Variants in CSNK1D observed in about 807,000 individuals in gnomAD.
CSNK1D encodes the protein casein kinase I isoform delta.
CSNK1D carries 16 observed loss-of-function variants against 46.6 expected under a neutral mutation model. That is an observed-to-expected ratio of 0.34 (90% CI 0.23 to 0.52). The LOEUF is 0.52. CSNK1D is among the 20% of genes least tolerant of loss of function. CSNK1D has a pLI of 0.95. For synonymous variants in CSNK1D, 276 were observed against 228.2 expected, an observed-to-expected ratio of 1.21 and a Z score of -1.89; for missense variants, 398 against 578.4, an observed-to-expected ratio of 0.69 and a Z score of 3.20.
intron 8 of CSNK1D, chr17:82,245,398 C>T (rs575478983): frequency 4.5e-6 from 1 of 220,858 alleles, no homozygotes; most frequent in Admixed American, 5.2e-5. Context: ...ACAGACGAAG[C>T]TGCGTGGACA....
intron 2 of CSNK1D, among the ~76,000 whole-genome samples, chr17:82,258,176 C>T (rs1176208654): frequency 2.1e-5 from 3 of 140,556 alleles, no homozygotes; most frequent in South Asian, 2.2e-4. Context: ...CACTGCACTC[C>T]AGCCTGGGTG....
At chr17:82,262,865 C>T (rs542231188) in intron 2 of CSNK1D, among the ~76,000 whole-genome samples, 1 of 152,236 alleles carries the variant, frequency 6.6e-6, no homozygotes, top group African/African-American at 2.4e-5. Flanking sequence ...CATTTGTTTT[C>T]TAAAATGCAG....
At chr17:82,240,268 A>C (rs1166971119), downstream of CSNK1D, among the ~76,000 whole-genome samples, 1 of 152,170 alleles carries the variant, frequency 6.6e-6, no homozygotes, top group African/African-American at 2.4e-5. Flanking sequence ...AGCTAGGCCC[A>C]TGTGTCTCGG....
chr17:82,259,488 A>G (rs768816119), intron 2 of CSNK1D, among the ~76,000 whole-genome samples: 16 of 152,242 alleles, frequency 1.1e-4, no homozygotes, highest in African/African-American at 2.9e-4. Context: ...GGAAATCTAC[A>G]TAACCACCTT....
chr17:82,272,978 C>G (rs1484202256), intron 1 of CSNK1D: 1 of 244,302 alleles, frequency 4.1e-6, no homozygotes, highest in Non-Finnish European at 7.9e-6. Context: ...GTCCGCTCCC[C>G]ACGACCCTGC....
chr17:82,241,995 T>A (rs1486474476), downstream of CSNK1D, among the ~76,000 whole-genome samples: 5 of 151,612 alleles, frequency 3.3e-5, no homozygotes, highest in Non-Finnish European at 5.9e-5. Flanking sequence ...TATCCTCCTC[T>A]TAGGCAGCGT....
rs901058084 is a variant in CSNK1D at position 82,248,774 on chromosome 17, G to A, written c.1197+101C>T. 6.5e-6 allele frequency: 10 copies of A among 1,531,762 alleles called. No homozygotes were observed. The highest frequency in any genetic ancestry group is 1.7e-4 in the Middle Eastern group (1 of 5,964). The allele number at this position is 1,531,762 out of a possible 1,614,324, so 94.9% of individuals were successfully genotyped here. A position where few individuals can be genotyped will look rare whatever the true frequency, so the allele number is the denominator to read the frequency against. On this transcript the variant is annotated intron_variant, in intron 8 of 8. Transcript: ENST00000314028. The surrounding 1 kb of genome is among the most constrained non-coding windows in gnomAD (Gnocchi z 4.1). ...GAGATTAAAAACTCTCAAAAATGGG[G>A]GGAAGAAAGGAAAGAAGAAGCCCTG...
At chr17:82,267,580 T>C (rs2147220953) in intron 1 of CSNK1D, among the ~76,000 whole-genome samples, 1 of 152,230 alleles carries the variant, frequency 6.6e-6, no homozygotes, top group East Asian at 1.9e-4. Context: ...TTCAGAGTAC[T>C]CGAGGTAACA....
intron 1 of CSNK1D, among the ~76,000 whole-genome samples, chr17:82,272,757 G>C (rs7209167): frequency 0.31 from 46,861 of 152,156 alleles, 9,166 homozygotes; most frequent in Non-Finnish European, 0.44. Context: ...CACCGGGGCA[G>C]CCTCTGAGGG....
chr17:82,261,367 A>G (rs2051335152), intron 2 of CSNK1D, among the ~76,000 whole-genome samples: 1 of 152,044 alleles, frequency 6.6e-6, no homozygotes, highest in South Asian at 2.1e-4. Context: ...TAGTCTCAAC[A>G]CTTTTCCCTC....
rs1052603460 is a variant in CSNK1D at position 82,273,446 on chromosome 17, G to C, written c.-65C>G. Reference sequence around the variant, plus strand: ...TTCCTGGGTCTGAACTCTGGGAGGCGGCGCCGCTGCTGCCGCTACTGCGGG... The same window carrying C: ...TTCCTGGGTCTGAACTCTGGGAGGCCGCGCCGCTGCTGCCGCTACTGCGGG... On this transcript the variant is annotated 5_prime_UTR_variant, in exon 1 of 9. Transcript: ENST00000314028. This position sits in a 1 kb window ranked among gnomAD's most constrained non-coding sequence, Gnocchi z 5.1. 4 of 1,584,984 alleles carry C rather than the reference G, an allele frequency of 2.5e-6. No individual in the cohort carries two copies. Among genetic ancestry groups the C allele is most frequent in the South Asian group, 2.3e-5 (2 of 88,832 alleles).
chr17:82,267,813 C>T (rs1025076647), intron 1 of CSNK1D, among the ~76,000 whole-genome samples: 3 of 152,330 alleles, frequency 2.0e-5, no homozygotes, highest in East Asian at 1.9e-4. Context: ...CGGACAGTAC[C>T]GCCACCCTCG....
intron 2 of CSNK1D, among the ~76,000 whole-genome samples, chr17:82,257,616 A>G (rs1324890912): frequency 6.6e-6 from 1 of 152,214 alleles, no homozygotes; most frequent in African/African-American, 2.4e-5. Flanking sequence ...AGCCAGTGAC[A>G]GCTGTGCCTG....
chr17:82,256,853 C>T (rs920558193), intron 2 of CSNK1D, among the ~76,000 whole-genome samples: 2 of 152,128 alleles, frequency 1.3e-5, no homozygotes, highest in African/African-American at 2.4e-5. Context: ...GGCTTGTGAA[C>T]GGCCTGGATA....
chr17:82,239,859 T>C (rs1289635852), downstream of CSNK1D: 2 of 536,180 alleles, frequency 3.7e-6, no homozygotes, highest in Non-Finnish European at 5.7e-6. Context: ...TTGCACCCTG[T>C]CCTCCATCCA....
At chr17:82,242,410 C>G (rs992630797), downstream of CSNK1D, among the ~76,000 whole-genome samples, 5 of 152,190 alleles carry the variant, frequency 3.3e-5, no homozygotes, top group African/African-American at 1.2e-4. Context: ...CTCTCCAGAA[C>G]CGTCACACAG....
Position 82,243,858 on chromosome 17 carries a change from A to C in CSNK1D, c.*923T>G, listed in dbSNP as rs2050785256. On this transcript the variant is annotated 3_prime_UTR_variant, in exon 9 of 9. Transcript: ENST00000314028. ...TCGGTTCACAGTCCTCTCCCAAGGG[A>C]CCAGAAACGCATCTTCCACCTTGAA... 1 of 985,534 alleles carries C rather than the reference A, an allele frequency of 1.0e-6. No homozygotes were observed. The highest frequency in any genetic ancestry group is 1.7e-5 in the African/African-American group (1 of 57,242). The allele number at this position is 985,534 out of a possible 1,614,324, so 61.0% of individuals were successfully genotyped here.
At chr17:82,272,469 G>A (rs1004162247) in intron 1 of CSNK1D, among the ~76,000 whole-genome samples, 4 of 152,104 alleles carry the variant, frequency 2.6e-5, no homozygotes, top group South Asian at 4.1e-4. Flanking sequence ...CATTGTTTTT[G>A]AAATCTACCT....
In CSNK1D at chr17:82,249,105, C is replaced by A; in HGVS notation, c.1058-91G>T. 6.9e-7 allele frequency: 1 copy of A among 1,451,974 alleles called. No individual in the cohort carries two copies. Among genetic ancestry groups the A allele is most frequent in the African/African-American group, 1.4e-5 (1 of 71,432 alleles). 89.9% of individuals were successfully genotyped at this position (1,451,974 alleles called of 1,614,324 possible). A position where few individuals can be genotyped will look rare whatever the true frequency, so the allele number is the denominator to read the frequency against. On this transcript the variant is annotated intron_variant, in intron 7 of 8. Coordinates refer to ENST00000314028, the MANE Select transcript of CSNK1D (RefSeq NM_001893.6). This position sits in a 1 kb window ranked among gnomAD's most constrained non-coding sequence, Gnocchi z 6.7. ...TGAGAGGCTGTGGCCAGAGAGGACC[C>A]TGGGCTGCCTGGACAGTCAGGACCT...
Sources: gnomAD v4.1 joint callset for allele counts (sites outside exome capture counted in the v4.1 genomes callset) on GRCh38, gnomAD v4.1.1 for gene constraint, Gnocchi (gnomAD v3.1) non-coding constraint, MANE v1.5 for transcripts, NCBI Gene and HGNC (gene_info 2026-07-23, HGNC 2026-07-21) for gene names.